The following BTNL8 variants were observed in gnomAD, a reference collection of about 807,000 sequenced individuals.
The protein encoded by BTNL8 is butyrophilin-like protein 8.
BTNL8 carries 22 observed loss-of-function variants against 36.1 expected under a neutral mutation model. The ratio of observed to expected loss-of-function variants is 0.61; its 90% CI spans 0.44 to 0.87. The LOEUF is 0.87. BTNL8 is among the 40% of genes least tolerant of loss of function. BTNL8 has a pLI of 0.00. For missense variants in BTNL8, 526 were observed against 616.9 expected (o/e 0.85, Z 1.56); for synonymous variants, 203 against 235.6 (o/e 0.86, Z 1.27).
At chr5:180,930,471 AAGAG>A (rs1758317674) in intron 3 of BTNL8, among the ~76,000 whole-genome samples, 1 of 152,226 alleles carries the variant, frequency 6.6e-6, no homozygotes, top group Admixed American at 6.5e-5. Flanking sequence ...GCAGTCAGGC[AAGAG>A]AAAGAAATAA....
At chr5:180,939,769 T>C (rs1314658790) in intron 3 of BTNL8, among the ~76,000 whole-genome samples, 1 of 152,174 alleles carries the variant, frequency 6.6e-6, no homozygotes, top group Non-Finnish European at 1.5e-5. Context: ...TAACATTTTA[T>C]CCACAAGCTG....
intron 3 of BTNL8, among the ~76,000 whole-genome samples, chr5:180,917,750 T>C (rs113258980): frequency 0.45 from 68,165 of 151,852 alleles, 16,370 homozygotes; most frequent in African/African-American, 0.63. Context: ...AAAAATTAGC[T>C]GGGCGTGGTG....
At chr5:180,945,338 G>C (rs1268270299) in intron 3 of BTNL8, among the ~76,000 whole-genome samples, 3 of 152,112 alleles carry the variant, frequency 2.0e-5, no homozygotes, top group Non-Finnish European at 2.9e-5. Flanking sequence ...TTAAACATAA[G>C]ACCTGCAACT....
At position 180,935,621 on chromosome 5, in the gene BTNL8, AC is replaced by A. The variant is rs1432306208; in HGVS notation, c.674-11890del. Among the ~76,000 whole-genome samples the A allele has an allele frequency of 6.6e-6, 1 of 152,204 alleles. No homozygotes were observed. On this transcript the variant is annotated intron_variant, in intron 3 of 7. Coordinates refer to ENST00000340184, the MANE Select transcript of BTNL8 (RefSeq NM_001040462.3). The surrounding 1 kb of genome is among the most constrained non-coding windows in gnomAD (Gnocchi z 4.8). ...AGAGGGTTTCCAGGGCCCCGAGAGC[AC>A]AGTGATGCCTGGGTCTGGAGCTGCG...
chr5:180,910,944 A>G (rs1226683021), intron 2 of BTNL8, among the ~76,000 whole-genome samples: 3 of 152,158 alleles, frequency 2.0e-5, no homozygotes, highest in African/African-American at 7.2e-5. Flanking sequence ...AGGGGTTGGC[A>G]TCTTCCTTGG....
chr5:180,904,993 T>G (rs1326601038), intron 1 of BTNL8, among the ~76,000 whole-genome samples: 1 of 151,212 alleles, frequency 6.6e-6, no homozygotes, highest in Non-Finnish European at 1.5e-5. Context: ...TTCTCTTTTT[T>G]TGTTGTGTCT....
chr5:180,950,603 A>G lies in BTNL8; in HGVS notation c.*59A>G. ...ATTAAGGTCTCTCTCCCAGATCCAA[A>G]GTCCCGCAGCAGCCGGCCAAGGTGG... On this transcript the variant is annotated 3_prime_UTR_variant, in exon 8 of 8. Transcript: ENST00000340184. 2 of 1,423,822 alleles carry G rather than the reference A, an allele frequency of 1.4e-6. 1 individual carries two copies. Among genetic ancestry groups the G allele is most frequent in the East Asian group, 4.9e-5 (2 of 40,642 alleles). 88.2% of individuals were successfully genotyped at this position (1,423,822 alleles called of 1,614,324 possible). A position where few individuals can be genotyped will look rare whatever the true frequency, so the allele number is the denominator to read the frequency against.
At chr5:180,923,521 T>C (rs1218784849) in intron 3 of BTNL8, among the ~76,000 whole-genome samples, 1 of 152,112 alleles carries the variant, frequency 6.6e-6, no homozygotes, top group Non-Finnish European at 1.5e-5. Context: ...TTCTTTCATC[T>C]GATAGAAAGC....
intron 1 of BTNL8, chr5:180,902,305 C>T (rs2113760050): frequency 3.3e-6 from 5 of 1,516,142 alleles, no homozygotes; most frequent in Middle Eastern, 1.7e-4. Flanking sequence ...ATGGTTTTCT[C>T]ATCTTAAAAA....
chr5:180,918,296 A>G (rs139146723), intron 3 of BTNL8, among the ~76,000 whole-genome samples: 41 of 152,290 alleles, frequency 2.7e-4, no homozygotes, highest in African/African-American at 8.9e-4. Flanking sequence ...ATTAAAAGAA[A>G]CATTAAACGT....
intron 3 of BTNL8, among the ~76,000 whole-genome samples, chr5:180,937,939 A>AT (rs1758735580): frequency 2.0e-4 from 1 of 5,002 alleles, no homozygotes; most frequent in Non-Finnish European, 5.3e-4. Flanking sequence ...CCCTTTCCCC[A>AT]TTTAAAAAAA....
At chr5:180,913,501 A>G (rs528163122) in intron 3 of BTNL8, among the ~76,000 whole-genome samples, 10 of 152,248 alleles carry the variant, frequency 6.6e-5, no homozygotes, top group Non-Finnish European at 1.5e-4. Flanking sequence ...TTTCTAATCT[A>G]TACAGACCAG....
At chr5:180,915,148 G>A (rs565150418) in intron 3 of BTNL8, among the ~76,000 whole-genome samples, 7 of 152,128 alleles carry the variant, frequency 4.6e-5, no homozygotes, top group Non-Finnish European at 1.0e-4. Context: ...AGAACCTACT[G>A]GCCAGCCCCT....
intron 3 of BTNL8, among the ~76,000 whole-genome samples, chr5:180,927,183 G>A (rs947471190): frequency 2.6e-5 from 4 of 152,134 alleles, no homozygotes; most frequent in African/African-American, 9.7e-5. Flanking sequence ...AAGCAAACAG[G>A]GCCTGGAGTG....
chr5:180,933,520 A>C (rs951511263), intron 3 of BTNL8, among the ~76,000 whole-genome samples: 1 of 152,218 alleles, frequency 6.6e-6, no homozygotes, highest in African/African-American at 2.4e-5. Context: ...TGTGGAAATT[A>C]AACAACATGC....
At chr5:180,934,753 G>A (rs1758565190) in intron 3 of BTNL8, among the ~76,000 whole-genome samples, 1 of 152,210 alleles carries the variant, frequency 6.6e-6, no homozygotes, top group African/African-American at 2.4e-5. Flanking sequence ...TCACAGTCCT[G>A]GCATGGGAAG....
At chr5:180,901,727 T>C (rs1206312882) in intron 1 of BTNL8, among the ~76,000 whole-genome samples, 2 of 152,094 alleles carry the variant, frequency 1.3e-5, no homozygotes, top group Admixed American at 1.3e-4. Context: ...GACATACATG[T>C]ACCAAGAATT....
intron 3 of BTNL8, among the ~76,000 whole-genome samples, chr5:180,929,030 C>T (rs1208117934): frequency 1.3e-5 from 2 of 152,158 alleles, no homozygotes; most frequent in Non-Finnish European, 2.9e-5. Context: ...AGGACCACAT[C>T]ACACTTATTC....
chr5:180,908,992 G>GT, intron 2 of BTNL8, 59 bp downstream of exon 2: 8 of 1,501,838 alleles, frequency 5.3e-6, no homozygotes, highest in Non-Finnish European at 7.2e-6. Flanking sequence ...CTTTATAAGT[G>GT]TTTTTTTCAA....
Sources: gnomAD v4.1 joint callset for allele counts (sites outside exome capture counted in the v4.1 genomes callset) on GRCh38, gnomAD v4.1.1 for gene constraint, Gnocchi (gnomAD v3.1) non-coding constraint, MANE v1.5 for transcripts, NCBI Gene and HGNC (gene_info 2026-07-23, HGNC 2026-07-21) for gene names.